The following PAX8 variants were observed in gnomAD, a reference collection of about 807,000 sequenced individuals.
PAX8 encodes paired box 8, also known as paired box protein Pax-8.
Under a neutral mutation model 52.4 loss-of-function variants are expected in PAX8, and 15 were observed. The observed-to-expected ratio is 0.29, with a 90% CI of 0.19 to 0.44. The LOEUF (loss-of-function observed/expected upper bound fraction) is 0.44, where lower values mean the gene tolerates loss of function less well. Ranked by LOEUF, PAX8 falls within the 20% of genes least tolerant of loss-of-function variation. The pLI, the probability that PAX8 is intolerant of heterozygous loss-of-function variation, is 1.00. For synonymous variants in PAX8, 284 were observed against 249.7 expected (o/e 1.14, Z -1.29); for missense variants, 554 against 602.5 (o/e 0.92, Z 0.84).
chr2:113,247,748 T>C (rs1021799642), intron 2 of PAX8, among the ~76,000 whole-genome samples: 1 of 152,232 alleles, frequency 6.6e-6, no homozygotes, highest in Non-Finnish European at 1.5e-5. Flanking sequence ...TCCATTTGTA[T>C]TGAGTGCTAA....
At chr2:113,247,318 A>C (rs1048784584) in intron 2 of PAX8, among the ~76,000 whole-genome samples, 1 of 151,668 alleles carries the variant, frequency 6.6e-6, no homozygotes, top group Non-Finnish European at 1.5e-5. Flanking sequence ...CTCTTCTGAG[A>C]GTCTCTTTTC....
chr2:113,262,372 G>T (rs903374333), intron 2 of PAX8, among the ~76,000 whole-genome samples: 1 of 152,120 alleles, frequency 6.6e-6, no homozygotes, highest in Non-Finnish European at 1.5e-5. Flanking sequence ...TGGCTTGGGA[G>T]GGGGAGTCCC....
chr2:113,242,579 C>A, intron 5 of PAX8, 111 bp downstream of exon 5: 1 of 820,126 alleles, frequency 1.2e-6, no homozygotes, highest in South Asian at 1.4e-5. Flanking sequence ...TGGTACTGTG[C>A]ACAGCTATGT....
At chr2:113,224,271 G>A (rs966402136) in intron 10 of PAX8, among the ~76,000 whole-genome samples, 2 of 152,134 alleles carry the variant, frequency 1.3e-5, no homozygotes, top group African/African-American at 2.4e-5. Context: ...GAGGGACCAG[G>A]CACAGTGACT....
intron 9 of PAX8, among the ~76,000 whole-genome samples, chr2:113,227,910 C>G (rs1003863713): frequency 6.6e-6 from 1 of 152,158 alleles, no homozygotes; most frequent in African/African-American, 2.4e-5. Context: ...GGAGATGTGG[C>G]GGAGATATTT....
chr2:113,260,512 G>A (rs893651280), intron 2 of PAX8, among the ~76,000 whole-genome samples: 9 of 152,090 alleles, frequency 5.9e-5, no homozygotes, highest in Non-Finnish European at 8.8e-5. Context: ...GAGGGAAATA[G>A]AGGGATGGTG....
chr2:113,226,391 C>T, intron 10 of PAX8: 1 of 986,138 alleles, frequency 1.0e-6, no homozygotes, highest in Non-Finnish European at 1.2e-6. Context: ...GTCTTCCCTA[C>T]ATGGCTCCTA....
intron 2 of PAX8, chr2:113,266,566 A>G (rs1314435916): frequency 2.0e-5 from 3 of 152,228 alleles, no homozygotes; most frequent in African/African-American, 7.2e-5. Flanking sequence ...GTGGGGAGCT[A>G]TGGCCACAAC....
chr2:113,235,390 G>T lies in PAX8; in HGVS notation c.1087+4C>A, dbSNP rs111481416. 1.3e-6 allele frequency: 2 copies of T among 1,569,290 alleles called. No individual in the cohort carries two copies. The highest frequency in any genetic ancestry group is 1.2e-5 in the South Asian group (1 of 85,806). On this transcript the variant is annotated splice_donor_region_variant and intron_variant, in intron 9 of 11. Coordinates refer to ENST00000429538, the MANE Select transcript of PAX8 (RefSeq NM_003466.4). ...TGCATGGCCCCGGGACCTCCCTGTC[G>T]TACCTGAGAGGAGGGCCTGGCCCGT...
rs1689027784 is a variant in PAX8, at chr2:113,216,312, C to G, written c.*2221G>C. ...TTTTCTTCCAGGAGGGTTCCCCCTG[C>G]CATGCCATCCATGGCAGCATCCCTA... On this transcript the variant is annotated 3_prime_UTR_variant, in exon 12 of 12. Coordinates refer to ENST00000429538, the MANE Select transcript of PAX8 (RefSeq NM_003466.4). 4.3e-6 allele frequency: 1 copy of G among 231,712 alleles called. No homozygotes were observed. Among genetic ancestry groups the G allele is most frequent in the Non-Finnish European group, 8.5e-6 (1 of 117,036 alleles). The allele number at this position is 231,712 out of a possible 1,614,324, so 14.4% of individuals were successfully genotyped here.
At chr2:113,259,488 A>C (rs1274118818) in intron 2 of PAX8, 1 of 152,686 alleles carries the variant, frequency 6.5e-6, no homozygotes, top group Non-Finnish European at 1.5e-5. Flanking sequence ...CTTTCATCTG[A>C]CCATGCAGGC....
chr2:113,228,100 G>A (rs1243608734), intron 9 of PAX8, among the ~76,000 whole-genome samples: 2 of 151,958 alleles, frequency 1.3e-5, no homozygotes, highest in Admixed American at 6.6e-5. Context: ...CCTCTACATC[G>A]AGAAATCACT....
At chr2:113,219,869 AG>A (rs1399356627) in intron 11 of PAX8, among the ~76,000 whole-genome samples, 1 of 152,192 alleles carries the variant, frequency 6.6e-6, no homozygotes, top group East Asian at 1.9e-4. Flanking sequence ...GAGAAGCAGG[AG>A]GGAAACGAAT....
In PAX8 at chr2:113,273,359, C is replaced by A. The variant is rs1245144851; in HGVS notation, c.25+5011G>T. 3 of 152,192 alleles carry A rather than the reference C, an allele frequency of 2.0e-5. No homozygotes were observed. In the East Asian group the frequency reaches 5.8e-4, roughly 29 times the overall value. 9.4% of individuals were successfully genotyped at this position (152,192 alleles called of 1,614,324 possible). On this transcript the variant is annotated intron_variant, in intron 2 of 11. Transcript: ENST00000429538. The stretch of plus-strand genomic sequence containing the variant: ...GCTGGGTCCTCAGGGAGTCTTCTTG[C>A]GGCCCGGTTTGGATGTTCCTAAGCA...
At chr2:113,228,131 C>G (rs890609575) in intron 9 of PAX8, among the ~76,000 whole-genome samples, 1 of 152,176 alleles carries the variant, frequency 6.6e-6, no homozygotes, top group African/African-American at 2.4e-5. Context: ...GGAGGCCCCA[C>G]CTGACCTGGC....
intron 3 of PAX8, 134 bp downstream of exon 3, chr2:113,246,620 A>G: frequency 3.2e-6 from 3 of 929,118 alleles, no homozygotes; most frequent in East Asian, 2.4e-5. Flanking sequence ...ATAACTGTTC[A>G]GGTCTCAGGA....
intron 6 of PAX8, 53 bp downstream of exon 6, chr2:113,241,955 C>T: frequency 6.2e-7 from 1 of 1,604,848 alleles, no homozygotes; most frequent in Non-Finnish European, 8.5e-7. Flanking sequence ...CCATCAAAGC[C>T]TGAGCAAACT....
chr2:113,230,314 A>G (rs546265400), intron 9 of PAX8, among the ~76,000 whole-genome samples: 2 of 152,174 alleles, frequency 1.3e-5, no homozygotes, highest in Non-Finnish European at 2.9e-5. Flanking sequence ...TATTACCTGA[A>G]CCTGCTGCCT....
At chr2:113,224,748 T>A (rs1573407443) in intron 10 of PAX8, among the ~76,000 whole-genome samples, 1 of 150,606 alleles carries the variant, frequency 6.6e-6, no homozygotes, top group East Asian at 1.9e-4. Flanking sequence ...GGTTCTGCTC[T>A]AGAACTGGTT....
Sources: allele counts gnomAD v4.1 joint callset (sites outside exome capture counted in the v4.1 genomes callset), GRCh38; gene constraint gnomAD v4.1.1; transcripts MANE v1.5; gene names NCBI Gene and HGNC (gene_info 2026-07-23, HGNC 2026-07-21).